Variants in MORN1 observed in about 807,000 individuals in gnomAD.
MORN1 encodes MORN repeat containing 1.
MORN1 carries 67 observed loss-of-function variants against 61.9 expected under a neutral mutation model. The observed-to-expected ratio is 1.08, with a 90% CI of 0.89 to 1.33. The LOEUF (loss-of-function observed/expected upper bound fraction) is 1.33, where lower values mean the gene tolerates loss of function less well. Ranked by LOEUF, MORN1 falls within the 40% of genes most tolerant of loss-of-function variation. The pLI is 0.00. For synonymous variants in MORN1, 301 were observed against 292.0 expected (o/e 1.03, Z -0.31); for missense variants, 752 against 691.2 (o/e 1.09, Z -0.99).
At chr1:2,387,335 A>C in intron 4 of MORN1, 84 bp downstream of exon 4, 1 of 992,986 alleles carries the variant, frequency 1.0e-6, no homozygotes, top group Admixed American at 1.7e-5. Flanking sequence ...GCCCTCTCAG[A>C]GGTTCCTGAA....
At position 2,372,346 on chromosome 1, in the gene MORN1, C is replaced by A; in HGVS notation, c.745+135G>T. ...GCTGGCACACCTGCGACCTCTCTGC[C>A]AGGCTCTGGGCACGAAGTCACTGCT... On this transcript the variant is annotated intron_variant, in intron 8 of 13. Transcript: ENST00000378531. The surrounding 1 kb of genome is among the most constrained non-coding windows in gnomAD (Gnocchi z 5.4). The A allele has an allele frequency of 4.4e-6, 3 of 678,126 alleles. No homozygotes were observed. Among genetic ancestry groups the A allele is most frequent in the Non-Finnish European group, 7.5e-6 (3 of 401,668 alleles). The allele number at this position is 678,126 out of a possible 1,614,324, so 42.0% of individuals were successfully genotyped here.
Position 2,334,683 on chromosome 1 carries a change from G to A in MORN1, c.1250+1786C>T, listed in dbSNP as rs999111961. ...ACATCATTTGAACACTGAACACTCC[G>A]ACTCCGCGGCCAGGTCGTCCTGGGA... On this transcript the variant is annotated intron_variant, in intron 12 of 13. Transcript: ENST00000378531. This position sits in a 1 kb window ranked among gnomAD's most constrained non-coding sequence, Gnocchi z 5.4. Among the ~76,000 whole-genome samples the A allele has an allele frequency of 2.6e-5, 4 of 152,208 alleles. No homozygotes were observed. The highest frequency in any genetic ancestry group is 1.9e-4 in the East Asian group (1 of 5,190).
rs998259497 is a variant in MORN1 at position 2,323,121 on chromosome 1, C to T, written c.1297+976G>A. ...TCCTGTCACTGCAGAGATGTCCCCG[C>T]CCCCTCCTGGGATGGCTGGGACGCG... On this transcript the variant is annotated intron_variant, in intron 13 of 13. Transcript: ENST00000378531. 24 of 985,296 alleles carry T rather than the reference C, an allele frequency of 2.4e-5. No individual in the cohort carries two copies. The East Asian group carries it at 3.4e-4, about 14-fold the overall frequency. 61.0% of individuals were successfully genotyped at this position (985,296 alleles called of 1,614,324 possible). A position where few individuals can be genotyped will look rare whatever the true frequency, so the allele number is the denominator to read the frequency against.
In MORN1 at chr1:2,385,229, G is replaced by A. The variant is rs1642466574; in HGVS notation, c.450-164C>T. Reference sequence around the variant, plus strand: ...GCTCCTGCCTCGCCAGGGCCAGCTGGGGGCCGACGACAGGCGGTGGGGACA... The same window carrying A: ...GCTCCTGCCTCGCCAGGGCCAGCTGAGGGCCGACGACAGGCGGTGGGGACA... On this transcript the variant is annotated intron_variant, in intron 5 of 13. Coordinates refer to ENST00000378531, the MANE Select transcript of MORN1 (RefSeq NM_024848.3). The A allele has an allele frequency of 5.9e-6, 4 of 679,078 alleles. No individual in the cohort carries two copies. In the Admixed American group the frequency reaches 8.4e-5, roughly 14 times the overall value. 42.1% of individuals were successfully genotyped at this position (679,078 alleles called of 1,614,324 possible).
At position 2,372,313 on chromosome 1, in the gene MORN1, G is replaced by C; in HGVS notation, c.745+168C>G. ...CACACACCCAAGGCTGCCCTGACTG[G>C]CAGGGAAGCTGGCACACCTGCGACC... On this transcript the variant is annotated intron_variant, in intron 8 of 13. Coordinates refer to ENST00000378531, the MANE Select transcript of MORN1 (RefSeq NM_024848.3). The surrounding 1 kb of genome is among the most constrained non-coding windows in gnomAD (Gnocchi z 5.4). The C allele has an allele frequency of 1.7e-6, 1 of 593,260 alleles. No homozygotes were observed. Among genetic ancestry groups the C allele is most frequent in the Non-Finnish European group, 3.0e-6 (1 of 331,838 alleles). The allele number at this position is 593,260 out of a possible 1,614,324, so 36.7% of individuals were successfully genotyped here. A position where few individuals can be genotyped will look rare whatever the true frequency, so the allele number is the denominator to read the frequency against.
At chr1:2,358,518 G>A in intron 9 of MORN1, 74 bp downstream of exon 9, 2 of 1,590,640 alleles carry the variant, frequency 1.3e-6, no homozygotes, top group South Asian at 1.1e-5. Context: ...GGGAAAAAAG[G>A]ACAAGGAATT....
intron 8 of MORN1, among the ~76,000 whole-genome samples, chr1:2,370,013 GT>G (rs1410561924): frequency 5.9e-5 from 9 of 152,200 alleles, no homozygotes; most frequent in African/African-American, 2.2e-4. Flanking sequence ...ATACAGAAAT[GT>G]AAAGGTCCCA....
At chr1:2,325,566 C>T (rs1641009639) in intron 12 of MORN1, among the ~76,000 whole-genome samples, 2 of 151,658 alleles carry the variant, frequency 1.3e-5, no homozygotes, top group Non-Finnish European at 2.9e-5. Context: ...AGGTTGGTCT[C>T]AAACTCCTGG....
chr1:2,359,476 C>T (rs1243693219), intron 8 of MORN1, among the ~76,000 whole-genome samples: 2 of 152,188 alleles, frequency 1.3e-5, no homozygotes, highest in Non-Finnish European at 2.9e-5. Context: ...GGTGGCGGAG[C>T]TGGGTGTTCA....
intron 12 of MORN1, among the ~76,000 whole-genome samples, chr1:2,324,576 G>C (rs1447421916): frequency 6.6e-6 from 1 of 152,194 alleles, no homozygotes; most frequent in South Asian, 2.1e-4. Flanking sequence ...CTCAGCAAGA[G>C]GGACCAGGAG....
chr1:2,370,988 G>A (rs535166988), intron 8 of MORN1, among the ~76,000 whole-genome samples: 7 of 151,830 alleles, frequency 4.6e-5, no homozygotes, highest in East Asian at 3.9e-4. Flanking sequence ...GGTGGATCAC[G>A]AGGTCAGGAG....
intron 6 of MORN1, chr1:2,378,261 T>TG (rs1022902034): frequency 1.3e-5 from 2 of 152,650 alleles, no homozygotes; most frequent in African/African-American, 2.4e-5. Flanking sequence ...CCCAGGGTGG[T>TG]GGGGGGTCCA....
chr1:2,331,132 C>A (rs1396866429), intron 12 of MORN1, among the ~76,000 whole-genome samples: 1 of 152,198 alleles, frequency 6.6e-6, no homozygotes, highest in Admixed American at 6.5e-5. Flanking sequence ...TCCCGTCCAC[C>A]CTGTCTCCCC....
intron 10 of MORN1, among the ~76,000 whole-genome samples, chr1:2,348,791 GCACA>G (rs1641585473): frequency 7.1e-6 from 1 of 141,194 alleles, no homozygotes; most frequent in South Asian, 2.2e-4. Context: ...ACACACGCAC[GCACA>G]CGCACTCCTG....
chr1:2,352,228 C>T (rs193171073), intron 10 of MORN1: 1 of 206,662 alleles, frequency 4.8e-6, no homozygotes, highest in African/African-American at 2.4e-5. Flanking sequence ...CTCCTTGCCA[C>T]TTATGCTTCC....
At chr1:2,338,294 T>C (rs1436022464) in intron 10 of MORN1, among the ~76,000 whole-genome samples, 1 of 152,216 alleles carries the variant, frequency 6.6e-6, no homozygotes, top group Non-Finnish European at 1.5e-5. Context: ...AGTCTTCCCT[T>C]CTGCAAGGAC....
intron 8 of MORN1, 82 bp from the exon 9 acceptor site, chr1:2,358,797 C>G: frequency 2.0e-6 from 3 of 1,515,374 alleles, no homozygotes; most frequent in Admixed American, 2.0e-5. Context: ...GCTTCTGGGA[C>G]GCTGTGTTTA....
intron 12 of MORN1, among the ~76,000 whole-genome samples, chr1:2,324,946 G>A (rs961859055): frequency 2.7e-5 from 4 of 147,822 alleles, no homozygotes; most frequent in African/African-American, 1.0e-4. Context: ...CCCTGGCGGG[G>A]AGGAGGCAGT....
At chr1:2,352,509 A>C (rs574302302) in intron 10 of MORN1, 1 of 152,572 alleles carries the variant, frequency 6.6e-6, no homozygotes, top group South Asian at 2.1e-4. Flanking sequence ...CAAATGTGGC[A>C]GGGCGTTGGG....
Sources: allele counts gnomAD v4.1 joint callset (sites outside exome capture counted in the v4.1 genomes callset), GRCh38; gene constraint gnomAD v4.1.1; non-coding constraint Gnocchi (gnomAD v3.1); transcripts MANE v1.5; gene names NCBI Gene and HGNC (gene_info 2026-07-23, HGNC 2026-07-21).